Variants in FAT3 observed in about 807,000 individuals in gnomAD.
FAT3 encodes the protein FAT atypical cadherin 3.
Under a neutral mutation model 310.2 loss-of-function variants are expected in FAT3, and 95 were observed. The observed-to-expected ratio is 0.31, with a 90% CI of 0.26 to 0.36. The LOEUF (loss-of-function observed/expected upper bound fraction) is 0.36, where lower values mean the gene tolerates loss of function less well. Ranked by LOEUF, FAT3 falls within the 10% of genes least tolerant of loss-of-function variation. FAT3 has a pLI of 1.00. For synonymous variants in FAT3, 2,314 were observed against 2,192.9 expected (o/e 1.06, Z -1.54); for missense variants, 5,408 against 5,715.6 (o/e 0.95, Z 1.74).
At chr11:92,390,781 A>C (rs2134811025) in intron 2 of FAT3, among the ~76,000 whole-genome samples, 1 of 152,294 alleles carries the variant, frequency 6.6e-6, no homozygotes, top group East Asian at 1.9e-4. Context: ...AATGGGTAGA[A>C]GCTGGGAGGA....
chr11:92,514,562 A>G (rs1213224697), intron 2 of FAT3, among the ~76,000 whole-genome samples: 2 of 152,166 alleles, frequency 1.3e-5, no homozygotes, highest in African/African-American at 4.8e-5. Flanking sequence ...GAAACATGCT[A>G]GAAGCTCATT....
chr11:92,483,923 C>A (rs1952303249), intron 2 of FAT3, among the ~76,000 whole-genome samples: 2 of 152,224 alleles, frequency 1.3e-5, no homozygotes, highest in African/African-American at 4.8e-5. Context: ...ATTACCAGGT[C>A]TGCCATAATG....
chr11:92,425,455 G>A (rs1043991508), intron 2 of FAT3, among the ~76,000 whole-genome samples: 2 of 151,996 alleles, frequency 1.3e-5, no homozygotes, highest in Admixed American at 1.3e-4. Context: ...TGTTACATAG[G>A]TATACATGTG....
intron 3 of FAT3, among the ~76,000 whole-genome samples, chr11:92,614,884 A>G (rs189687907): frequency 1.1e-3 from 163 of 152,340 alleles, no homozygotes; most frequent in African/African-American, 3.7e-3. Context: ...ATTATTTTGT[A>G]TAATATGAGT....
chr11:92,752,651 T>A (rs1374237581), intron 4 of FAT3, among the ~76,000 whole-genome samples: 2 of 152,198 alleles, frequency 1.3e-5, no homozygotes, highest in African/African-American at 4.8e-5. Context: ...CACTTACAGG[T>A]GTGATTATAT....
intron 2 of FAT3, among the ~76,000 whole-genome samples, chr11:92,426,064 A>G (rs1406392574): frequency 6.6e-6 from 1 of 152,156 alleles, no homozygotes; most frequent in Admixed American, 6.5e-5. Flanking sequence ...TAACTTTTTA[A>G]TGATCGCCAT....
chr11:92,623,012 G>A (rs1378091603), intron 3 of FAT3, among the ~76,000 whole-genome samples: 1 of 152,024 alleles, frequency 6.6e-6, no homozygotes, highest in African/African-American at 2.4e-5. Flanking sequence ...TGGATTCAAG[G>A]CACTTCCCAT....
At chr11:92,756,059 G>T (rs1245781476) in intron 4 of FAT3, among the ~76,000 whole-genome samples, 1 of 152,168 alleles carries the variant, frequency 6.6e-6, no homozygotes, top group Non-Finnish European at 1.5e-5. Context: ...TCTAGTAAAA[G>T]CAGATATGTG....
At chr11:92,285,138 A>C (rs1182265750) in intron 1 of FAT3, among the ~76,000 whole-genome samples, 1 of 152,154 alleles carries the variant, frequency 6.6e-6, no homozygotes, top group African/African-American at 2.4e-5. Context: ...TGTTCAGAGA[A>C]GTTGAGGCTG....
chr11:92,420,091 G>T (rs779430005), intron 2 of FAT3, among the ~76,000 whole-genome samples: 25 of 152,144 alleles, frequency 1.6e-4, no homozygotes, highest in Non-Finnish European at 3.5e-4. Flanking sequence ...GCCTGATTTT[G>T]TAAATAAAGT....
At chr11:92,420,984 T>G (rs977420176) in intron 2 of FAT3, among the ~76,000 whole-genome samples, 1 of 152,332 alleles carries the variant, frequency 6.6e-6, no homozygotes, top group African/African-American at 2.4e-5. Context: ...AGTTTGATTT[T>G]GTTTATTAAC....
intron 3 of FAT3, among the ~76,000 whole-genome samples, chr11:92,582,214 G>T (rs532225392): frequency 6.6e-6 from 1 of 151,884 alleles, no homozygotes; most frequent in South Asian, 2.1e-4. Context: ...ATTGCAACCT[G>T]TTTTATCAGC....
chr11:92,797,704 A>T (rs1213209376), intron 9 of FAT3, 132 bp from the exon 10 acceptor site: 20 of 737,740 alleles, frequency 2.7e-5, no homozygotes, highest in Non-Finnish European at 3.9e-5. Flanking sequence ...TTATTTCAGA[A>T]TGACACAGAT....
chr11:92,823,127 C>G (rs1948013858), intron 13 of FAT3, among the ~76,000 whole-genome samples: 1 of 152,134 alleles, frequency 6.6e-6, no homozygotes, highest in Admixed American at 6.5e-5. Context: ...TTTGTATCCC[C>G]AGTGCCTGCC....
In FAT3 at chr11:92,799,844, T is replaced by C; in HGVS notation, c.6831T>C (p.Val2277=). ...CTGAAGTCACTGTTGACTTGCTAGT[T>C]AATGATGTAAATGACAACCCCCCTA... ...ARAEVTVDLL[V]NDVNDNPPIF... is the part of the protein sequence containing the mutation. Residue 2277 remains valine (V), a synonymous_variant, in exon 10 of 28, where the codon GTT becomes GTC. Coordinates refer to ENST00000525166, the MANE Select transcript of FAT3 (RefSeq NM_001367949.2). The C allele has an allele frequency of 6.2e-7, 1 of 1,613,438 alleles. No homozygotes were observed. Among genetic ancestry groups the C allele is most frequent in the Non-Finnish European group, 8.5e-7 (1 of 1,179,682 alleles).
intron 1 of FAT3, among the ~76,000 whole-genome samples, chr11:92,272,589 AG>A (rs1432514480): frequency 1.3e-5 from 2 of 152,052 alleles, no homozygotes; most frequent in African/African-American, 2.4e-5. Flanking sequence ...GGATATTTAA[AG>A]GGGGGAAATC....
At chr11:92,778,780 C>CT in intron 7 of FAT3, among the ~76,000 whole-genome samples, 1 of 152,134 alleles carries the variant, frequency 6.6e-6, no homozygotes, top group East Asian at 1.9e-4. Flanking sequence ...ATGCACACAC[C>CT]TGGGGGGATC....
chr11:92,530,739 G>T (rs1396812179), intron 3 of FAT3, among the ~76,000 whole-genome samples: 3 of 152,048 alleles, frequency 2.0e-5, no homozygotes, highest in Non-Finnish European at 4.4e-5. Context: ...ATAAAAAAGT[G>T]TTAGTTCATA....
At chr11:92,470,648 A>C (rs944715239) in intron 2 of FAT3, among the ~76,000 whole-genome samples, 7 of 152,314 alleles carry the variant, frequency 4.6e-5, no homozygotes, top group African/African-American at 1.4e-4. Context: ...GTTAGACAGC[A>C]GTGATCCAAG....
Sources: gnomAD v4.1 joint callset for allele counts (sites outside exome capture counted in the v4.1 genomes callset) on GRCh38, gnomAD v4.1.1 for gene constraint, MANE v1.5 for transcripts, NCBI Gene and HGNC (gene_info 2026-07-23, HGNC 2026-07-21) for gene names.